The following LAPTM4B variants were observed in gnomAD, a reference collection of about 807,000 sequenced individuals.
LAPTM4B encodes the protein lysosomal-associated transmembrane protein 4B.
Under a neutral mutation model 28.5 loss-of-function variants are expected in LAPTM4B, and 26 were observed. That is an observed-to-expected ratio of 0.91 (90% CI 0.67 to 1.27). The LOEUF is 1.27. Ranked by LOEUF, LAPTM4B falls within the 50% of genes most tolerant of loss-of-function variation. LAPTM4B has a pLI of 0.00. For synonymous variants in LAPTM4B, 109 were observed against 106.4 expected (o/e 1.02, Z -0.15); for missense variants, 288 against 285.8 (o/e 1.01, Z -0.06).
intron 1 of LAPTM4B, among the ~76,000 whole-genome samples, chr8:97,801,288 T>C (rs1238557226): frequency 6.6e-6 from 1 of 151,468 alleles, no homozygotes; most frequent in Non-Finnish European, 1.5e-5. Context: ...TTCAAGCGAT[T>C]CTCCTGCCTT....
intron 1 of LAPTM4B, among the ~76,000 whole-genome samples, chr8:97,790,647 C>T (rs1396527821): frequency 2.0e-5 from 3 of 152,002 alleles, no homozygotes; most frequent in Admixed American, 6.6e-5. Flanking sequence ...GGTTTCACCA[C>T]ATTGGCCAGG....
At chr8:97,787,072 G>C (rs1393791716) in intron 1 of LAPTM4B, among the ~76,000 whole-genome samples, 1 of 151,988 alleles carries the variant, frequency 6.6e-6, no homozygotes, top group Non-Finnish European at 1.5e-5. Flanking sequence ...TAAGGAGGCT[G>C]CCTCCTTTAT....
chr8:97,801,630 C>T (rs1183496900), intron 1 of LAPTM4B, among the ~76,000 whole-genome samples: 3 of 152,008 alleles, frequency 2.0e-5, no homozygotes, highest in African/African-American at 7.2e-5. Context: ...CTGAGGCAGG[C>T]GGATCACTTG....
intron 1 of LAPTM4B, among the ~76,000 whole-genome samples, chr8:97,800,931 G>A (rs1816666580): frequency 6.6e-6 from 1 of 151,968 alleles, no homozygotes; most frequent in Admixed American, 6.6e-5. Context: ...GGGCAACATA[G>A]TGACACACCC....
At chr8:97,848,333 T>C (rs12114861) in intron 6 of LAPTM4B, among the ~76,000 whole-genome samples, 25,779 of 151,910 alleles carry the variant, frequency 0.17, 2,294 homozygotes, top group East Asian at 0.23. Flanking sequence ...AGATGAATAA[T>C]AAGAAATAGT....
chr8:97,794,092 G>T (rs1816545226), intron 1 of LAPTM4B, among the ~76,000 whole-genome samples: 1 of 152,062 alleles, frequency 6.6e-6, no homozygotes, highest in African/African-American at 2.4e-5. Flanking sequence ...CTGTTCTCCT[G>T]CCTCAGCCTC....
intron 6 of LAPTM4B, among the ~76,000 whole-genome samples, chr8:97,829,597 T>G (rs1215799177): frequency 1.3e-5 from 2 of 152,092 alleles, no homozygotes; most frequent in African/African-American, 4.8e-5. Context: ...GTGGAATTGA[T>G]GTAGGGAGAT....
At chr8:97,802,835 C>T (rs1363751195) in intron 1 of LAPTM4B, among the ~76,000 whole-genome samples, 1 of 152,118 alleles carries the variant, frequency 6.6e-6, no homozygotes, top group Admixed American at 6.6e-5. Flanking sequence ...GGAAGTGGCT[C>T]TTCTCATTAT....
At chr8:97,779,158 T>G (rs1029345834) in intron 1 of LAPTM4B, among the ~76,000 whole-genome samples, 1 of 152,110 alleles carries the variant, frequency 6.6e-6, no homozygotes, top group African/African-American at 2.4e-5. Flanking sequence ...ACCCCTACAC[T>G]CCAGCCTGGG....
chr8:97,844,850 C>T (rs1241398080), intron 6 of LAPTM4B, among the ~76,000 whole-genome samples: 1 of 152,174 alleles, frequency 6.6e-6, no homozygotes, highest in African/African-American at 2.4e-5. Flanking sequence ...CTGAAAGCTT[C>T]CCCATGATGA....
In LAPTM4B at chr8:97,790,737, G is replaced by A. The variant is rs564640228; in HGVS notation, c.100-14616G>A. The stretch of plus-strand genomic sequence containing the variant: ...TTGGACTATGGGCGTGAGCCACTGC[G>A]CCCAGCTGGTTTTGTGTTTTGAGAC... On this transcript the variant is annotated intron_variant, in intron 1 of 6. Coordinates refer to ENST00000521545, the MANE Select transcript of LAPTM4B (RefSeq NM_018407.6). Among the ~76,000 whole-genome samples the A allele has an allele frequency of 2.6e-5, 4 of 152,130 alleles. No individual in the cohort carries two copies. In the South Asian group the frequency reaches 6.2e-4, roughly 24 times the overall value.
intron 6 of LAPTM4B, among the ~76,000 whole-genome samples, chr8:97,844,849 T>C (rs1281073437): frequency 6.6e-6 from 1 of 152,114 alleles, no homozygotes; most frequent in Non-Finnish European, 1.5e-5. Flanking sequence ...GCTGAAAGCT[T>C]CCCCATGATG....
chr8:97,811,385 A>G (rs1304885883), intron 2 of LAPTM4B, among the ~76,000 whole-genome samples: 2 of 152,192 alleles, frequency 1.3e-5, no homozygotes, highest in South Asian at 2.1e-4. Flanking sequence ...GTTGGAAACA[A>G]TCCAGATTTC....
Position 97,781,258 on chromosome 8 carries a change from C to T in LAPTM4B, c.99+5150C>T, listed in dbSNP as rs183992640. ...CCTCCCAAAGTGCTGAGATTACAGGCGTGAGCCACTGTGCCCGGCCTTTTT... is the reference window on the plus strand; with the variant it reads ...CCTCCCAAAGTGCTGAGATTACAGGTGTGAGCCACTGTGCCCGGCCTTTTT... On this transcript the variant is annotated intron_variant, in intron 1 of 6. Coordinates refer to ENST00000521545, the MANE Select transcript of LAPTM4B (RefSeq NM_018407.6). Among the ~76,000 whole-genome samples the T allele has an allele frequency of 6.6e-3, 918 of 138,756 alleles. 14 individuals are homozygous for T. The highest frequency in any genetic ancestry group is 0.024 in the African/African-American group (849 of 35,914). The allele number at this position is 138,756 out of a possible 152,430, so 91.0% of individuals were successfully genotyped here.
chr8:97,789,036 CTCTTTATTTATT>C (rs1563602149), intron 1 of LAPTM4B, among the ~76,000 whole-genome samples: 1 of 138,312 alleles, frequency 7.2e-6, no homozygotes, highest in Admixed American at 7.7e-5. Flanking sequence ...TTGGTGCTCA[CTCTTTATTTATT>C]TATTTATTTA....
intron 6 of LAPTM4B, among the ~76,000 whole-genome samples, chr8:97,837,046 GATTA>G (rs1460760679): frequency 6.6e-6 from 1 of 152,094 alleles, no homozygotes; most frequent in East Asian, 1.9e-4. Context: ...AAGCACCTGA[GATTA>G]ATTAAGGCTG....
At chr8:97,819,696 A>G (rs1470294555) in intron 5 of LAPTM4B, among the ~76,000 whole-genome samples, 3 of 139,628 alleles carry the variant, frequency 2.1e-5, no homozygotes, top group Non-Finnish European at 4.7e-5. Flanking sequence ...GTACATCCTT[A>G]TATTTATGCA....
chr8:97,850,474 G>GTGTGTGTGTGTGTGTTGTGTA (rs1554594400), intron 6 of LAPTM4B, among the ~76,000 whole-genome samples: 1 of 146,266 alleles, frequency 6.8e-6, no homozygotes, highest in Non-Finnish European at 1.5e-5. Context: ...GGGTGTGTGT[G>GTGTGTGTGTGTGTGTTGTGTA]TGTGTGTGTG....
At chr8:97,842,419 A>G (rs977170715) in intron 6 of LAPTM4B, among the ~76,000 whole-genome samples, 2 of 152,202 alleles carry the variant, frequency 1.3e-5, no homozygotes, top group East Asian at 1.9e-4. Context: ...CAGATTGTTC[A>G]GTAGCCCCTG....
Sources: gnomAD v4.1 joint callset for allele counts (sites outside exome capture counted in the v4.1 genomes callset) on GRCh38, gnomAD v4.1.1 for gene constraint, MANE v1.5 for transcripts, NCBI Gene and HGNC (gene_info 2026-07-23, HGNC 2026-07-21) for gene names.